NDRG4: variants seen among roughly 807,000 people sequenced by gnomAD.
NDRG4 encodes NDRG family member 4.
A neutral mutation model predicts 55.8 loss-of-function variants in NDRG4; 38 were observed. The observed-to-expected ratio is 0.68, with a 90% CI of 0.53 to 0.89. The LOEUF is 0.89. Among genes scored for constraint, NDRG4 ranks in the 40% least tolerant of loss-of-function variants. The pLI, the probability that NDRG4 is intolerant of heterozygous loss-of-function variation, is 0.00. For missense variants in NDRG4, 455 were observed against 468.6 expected (o/e 0.97, Z 0.27); for synonymous variants, 190 against 182.7 (o/e 1.04, Z -0.32).
chr16:58,494,295 G>A (rs1408213554), intron 2 of NDRG4, among the ~76,000 whole-genome samples: 1 of 152,200 alleles, frequency 6.6e-6, no homozygotes, highest in Non-Finnish European at 1.5e-5. Context: ...AGCTGCCACT[G>A]TAACTTTGTG....
At chr16:58,501,131 C>T in intron 1 of NDRG4, 1 of 1,166,578 alleles carries the variant, frequency 8.6e-7, no homozygotes, top group African/African-American at 1.6e-5. Context: ...GACTCACCCC[C>T]ACCCCCGGGC....
intron 5 of NDRG4, among the ~76,000 whole-genome samples, chr16:58,505,471 A>C (rs1019724537): frequency 4.6e-5 from 7 of 151,294 alleles, no homozygotes; most frequent in African/African-American, 1.7e-4. Flanking sequence ...GATCGAAGAC[A>C]TTTACTACTT....
At chr16:58,510,558 A>G in intron 13 of NDRG4, 87 bp from the exon 14 acceptor site, 1 of 1,158,370 alleles carries the variant, frequency 8.6e-7, no homozygotes, top group Non-Finnish European at 1.2e-6. Context: ...GGCTCATCTC[A>G]ATGCCCTTGA....
chr16:58,470,427 G>A (rs1312714352), intron 1 of NDRG4, among the ~76,000 whole-genome samples: 1 of 152,180 alleles, frequency 6.6e-6, no homozygotes, highest in African/African-American at 2.4e-5. Context: ...GTGGAGCCAT[G>A]GGAACCTTGG....
chr16:58,475,589 AT>A (rs1467688717), intron 1 of NDRG4: 3 of 455,424 alleles, frequency 6.6e-6, no homozygotes, highest in East Asian at 1.4e-4. Flanking sequence ...AGATAAAAGT[AT>A]TTTTTTCTCT....
At position 58,509,275 on chromosome 16, in the gene NDRG4, G is replaced by A. The variant is rs538588728; in HGVS notation, c.814-26G>A. Reference sequence around the variant, plus strand: ...TGCTAATCCTAGGCAGCCAATGAAAGCATGTGCTTGTCCTGCCCTCCGCAG... The same window carrying A: ...TGCTAATCCTAGGCAGCCAATGAAAACATGTGCTTGTCCTGCCCTCCGCAG... On this transcript the variant is annotated intron_variant, in intron 12 of 14. Coordinates refer to ENST00000570248, the MANE Select transcript of NDRG4 (RefSeq NM_001242835.2). 8 of 1,614,028 alleles carry A rather than the reference G, an allele frequency of 5.0e-6. No individual in the cohort carries two copies. The East Asian group carries it at 1.6e-4, about 31-fold the overall frequency.
At chr16:58,502,803 A>G (rs533795856) in intron 1 of NDRG4, among the ~76,000 whole-genome samples, 50 of 152,304 alleles carry the variant, frequency 3.3e-4, no homozygotes, top group African/African-American at 1.2e-3. Flanking sequence ...GCTCACAATG[A>G]TGCAGAGAGG....
At chr16:58,500,039 G>A (rs2036866075), upstream of NDRG4, 4 of 1,378,764 alleles carry the variant, frequency 2.9e-6, no homozygotes, top group Non-Finnish European at 3.8e-6. Context: ...TGGGAGCTGG[G>A]GCTCCTGGTA....
Position 58,506,990 on chromosome 16 carries a change from C to G in NDRG4, c.595C>G (p.Gln199Glu). The G allele has an allele frequency of 6.2e-7, 1 of 1,613,890 alleles. No individual in the cohort carries two copies. Among genetic ancestry groups the G allele is most frequent in the South Asian group, 1.1e-5 (1 of 90,964 alleles). ...IGNVVNQANL[Q>E]LFWNMYNSRR... The stretch of plus-strand genomic sequence containing the variant: ...GAACGTGGTGAACCAGGCCAACCTG[C>G]AGCTCTTCTGGAACATGTACAACAG... The change falls in exon 8 of 15, where the codon CAG becomes GAG. Residue 199 changes from glutamine (Q) to glutamate (E), a missense_variant. Transcript: ENST00000570248.
intron 8 of NDRG4, 43 bp downstream of exon 8, chr16:58,507,058 T>C: frequency 6.7e-7 from 1 of 1,492,182 alleles, no homozygotes. Context: ...CACACCCCAG[T>C]GGGGGCCCTT....
intron 1 of NDRG4, chr16:58,501,085 G>A (rs868774751): frequency 4.1e-6 from 5 of 1,234,196 alleles, no homozygotes; most frequent in African/African-American, 3.1e-5. Flanking sequence ...CAGGTACCCC[G>A]GCCCCATTCT....
At position 58,464,856 on chromosome 16, in the gene NDRG4, G is replaced by A; in HGVS notation, c.-24+1059G>A. The A allele has an allele frequency of 8.2e-7, 1 of 1,217,210 alleles. No individual in the cohort carries two copies. The highest frequency in any genetic ancestry group is 1.0e-6 in the Non-Finnish European group (1 of 966,020). 75.4% of individuals were successfully genotyped at this position (1,217,210 alleles called of 1,614,324 possible). A position where few individuals can be genotyped will look rare whatever the true frequency, so the allele number is the denominator to read the frequency against. On this transcript the variant is annotated intron_variant, in intron 1 of 15. Transcript: ENST00000258187. This position sits in a 1 kb window ranked among gnomAD's most constrained non-coding sequence, Gnocchi z 4.8. ...CATGGACCTCTTATTTCTGCGCCCT[G>A]TGACAATCTGAGCCGTCTTTCTCTG...
chr16:58,486,835 C>A (rs1217170878), intron 1 of NDRG4, among the ~76,000 whole-genome samples: 1 of 152,166 alleles, frequency 6.6e-6, no homozygotes. Context: ...CACCCTCTGG[C>A]AGCTGAGCAG....
intron 1 of NDRG4, among the ~76,000 whole-genome samples, chr16:58,465,620 C>T (rs2031477659): frequency 6.6e-6 from 1 of 151,996 alleles, no homozygotes; most frequent in African/African-American, 2.4e-5. Context: ...AGTAGCAGGC[C>T]AGGCGCAGTG....
In NDRG4 at chr16:58,511,940, T is replaced by G. The variant is rs551154034; in HGVS notation, c.*364T>G. The G allele has an allele frequency of 2.2e-6, 1 of 451,012 alleles. No individual in the cohort carries two copies. Among genetic ancestry groups the G allele is most frequent in the Non-Finnish European group, 4.4e-6 (1 of 228,202 alleles). 27.9% of individuals were successfully genotyped at this position (451,012 alleles called of 1,614,324 possible). A position where few individuals can be genotyped will look rare whatever the true frequency, so the allele number is the denominator to read the frequency against. On this transcript the variant is annotated 3_prime_UTR_variant, in exon 15 of 15. Coordinates refer to ENST00000570248, the MANE Select transcript of NDRG4 (RefSeq NM_001242835.2). ...GGAGATGAGAGAGGCTTCGAGAGGG[T>G]GGGTGCTGGGCCACAGGGGTGCGGG...
intron 1 of NDRG4, among the ~76,000 whole-genome samples, chr16:58,479,100 C>T (rs1234306224): frequency 6.6e-6 from 1 of 152,086 alleles, no homozygotes; most frequent in East Asian, 1.9e-4. Flanking sequence ...GTGATCTCGG[C>T]TCACTGCAAT....
At chr16:58,496,695 C>T (rs935668981), upstream of NDRG4, among the ~76,000 whole-genome samples, 3 of 152,240 alleles carry the variant, frequency 2.0e-5, no homozygotes, top group African/African-American at 7.2e-5. Context: ...ACGGACCTCC[C>T]GAGTGTTTCT....
intron 2 of NDRG4, chr16:58,487,939 C>CCCTAGGGCTTTTCCTGCA (rs2035304649): frequency 9.5e-7 from 1 of 1,051,428 alleles, no homozygotes; most frequent in Admixed American, 2.8e-5. Context: ...CTGCAGCCGA[C>CCCTAGGGCTTTTCCTGCA]CCTCCCTAGG....
At chr16:58,490,520 T>C (rs2035652713) in intron 2 of NDRG4, among the ~76,000 whole-genome samples, 1 of 152,178 alleles carries the variant, frequency 6.6e-6, no homozygotes, top group African/African-American at 2.4e-5. Context: ...GTGGTGTCTC[T>C]ATCTACCCAT....
Sources: gnomAD v4.1 joint callset for allele counts (sites outside exome capture counted in the v4.1 genomes callset) on GRCh38, gnomAD v4.1.1 for gene constraint, Gnocchi (gnomAD v3.1) non-coding constraint, MANE v1.5 for transcripts, NCBI Gene and HGNC (gene_info 2026-07-23, HGNC 2026-07-21) for gene names.